CCDC7: variants seen among roughly 807,000 people sequenced by gnomAD.
CCDC7 encodes coiled-coil domain-containing protein 7.
Under a neutral mutation model 196.9 loss-of-function variants are expected in CCDC7, and 183 were observed. The ratio of observed to expected loss-of-function variants is 0.93; its 90% CI spans 0.82 to 1.05. The LOEUF is 1.05. Among genes scored for constraint, CCDC7 ranks in the 50% least tolerant of loss-of-function variants. The pLI, the probability that CCDC7 is intolerant of heterozygous loss-of-function variation, is 0.00. For missense variants in CCDC7, 1,540 were observed against 1,482.2 expected, an observed-to-expected ratio of 1.04 and a Z score of -0.64; for synonymous variants, 525 against 484.6, an observed-to-expected ratio of 1.08 and a Z score of -1.10.
At chr10:32,773,485 C>G (rs1339786251) in intron 28 of CCDC7, among the ~76,000 whole-genome samples, 2 of 151,760 alleles carry the variant, frequency 1.3e-5, no homozygotes, top group Non-Finnish European at 2.9e-5. Context: ...ATTCAATTTA[C>G]ATATTCTTTA....
intron 29 of CCDC7, among the ~76,000 whole-genome samples, chr10:32,780,212 G>A (rs2080826688): frequency 6.6e-6 from 1 of 152,140 alleles, no homozygotes; most frequent in African/African-American, 2.4e-5. Flanking sequence ...ACTCCAGCCT[G>A]GCTACAGAGC....
At chr10:32,497,877 G>A (rs919131270) in intron 9 of CCDC7, among the ~76,000 whole-genome samples, 2 of 152,176 alleles carry the variant, frequency 1.3e-5, no homozygotes, top group Non-Finnish European at 2.9e-5. Context: ...CTGTTGATTT[G>A]TTGTGGAAAG....
intron 16 of CCDC7, among the ~76,000 whole-genome samples, chr10:32,581,279 A>G (rs1008657990): frequency 6.6e-6 from 1 of 152,186 alleles, no homozygotes; most frequent in Non-Finnish European, 1.5e-5. Context: ...AAATTTAGTA[A>G]GATTTATAAA....
upstream of CCDC7, chr10:32,451,450 A>T (rs955595003): frequency 6.9e-5 from 44 of 641,512 alleles, no homozygotes; most frequent in African/African-American, 6.4e-4. Flanking sequence ...GACTCAAAAA[A>T]GCCTGAAGTG....
intron 21 of CCDC7, among the ~76,000 whole-genome samples, chr10:32,668,125 G>A (rs1299575042): frequency 6.6e-6 from 1 of 152,048 alleles, no homozygotes; most frequent in African/African-American, 2.4e-5. Flanking sequence ...TATTCTCTTT[G>A]AAGCAATTGT....
intron 11 of CCDC7, among the ~76,000 whole-genome samples, chr10:32,523,081 A>G (rs762900730): frequency 1.3e-5 from 2 of 152,228 alleles, no homozygotes; most frequent in African/African-American, 4.8e-5. Context: ...GTGACCTAAC[A>G]TATGGTATAT....
At chr10:32,689,100 T>C in exon 23 of CCDC7, 1 of 1,608,674 alleles carries the variant, frequency 6.2e-7, no homozygotes, top group Non-Finnish European at 8.5e-7. Flanking sequence ...GCATCAAGAC[T>C]CAATGTCAAA....
intron 28 of CCDC7, among the ~76,000 whole-genome samples, chr10:32,759,193 C>G (rs1372525455): frequency 6.6e-6 from 1 of 152,070 alleles, no homozygotes; most frequent in African/African-American, 2.4e-5. Context: ...GATTCAATGC[C>G]ATCCCCATCA....
intron 8 of CCDC7, among the ~76,000 whole-genome samples, chr10:32,491,382 A>G (rs1419161287): frequency 6.6e-6 from 1 of 152,118 alleles, no homozygotes; most frequent in African/African-American, 2.4e-5. Flanking sequence ...ATTGATTATT[A>G]TGGATCATTA....
At position 32,805,092 on chromosome 10, in the gene CCDC7, T is replaced by C. The variant is rs753642646; in HGVS notation, c.3091T>C (p.Phe1031Leu). 16 of 1,605,540 alleles carry C rather than the reference T, an allele frequency of 1.0e-5. No individual in the cohort carries two copies. The South Asian group carries it at 1.7e-4, about 17-fold the overall frequency. The change falls in exon 30 of 42, where the codon TTC (phenylalanine) becomes CTC (leucine). Residue 1031 changes from phenylalanine to leucine, a missense_variant. Coordinates refer to ENST00000639629, the Ensembl canonical transcript of CCDC7. ...TGAATTCAAGACACAGTCAAAGAGT[T>C]TCCCTGGTAAGAAAATATTTTTAAG...
At chr10:32,817,684 A>C (rs1239447627) in intron 31 of CCDC7, among the ~76,000 whole-genome samples, 1 of 152,240 alleles carries the variant, frequency 6.6e-6, no homozygotes, top group African/African-American at 2.4e-5. Flanking sequence ...GCCAATATTC[A>C]ACATTCTTAA....
intron 22 of CCDC7, among the ~76,000 whole-genome samples, chr10:32,688,407 A>G (rs1241608493): frequency 6.6e-6 from 1 of 152,318 alleles, no homozygotes; most frequent in East Asian, 1.9e-4. Flanking sequence ...CTTGGTAACA[A>G]ACTACTTTGT....
intron 11 of CCDC7, among the ~76,000 whole-genome samples, chr10:32,529,481 G>A (rs765470998): frequency 1.3e-5 from 2 of 152,128 alleles, no homozygotes; most frequent in Non-Finnish European, 2.9e-5. Flanking sequence ...GGAGTAAGGT[G>A]GTATTGCATT....
intron 11 of CCDC7, among the ~76,000 whole-genome samples, chr10:32,532,009 C>A (rs2049751667): frequency 6.6e-6 from 1 of 151,948 alleles, no homozygotes; most frequent in Admixed American, 6.5e-5. Flanking sequence ...TGTTGATTTT[C>A]TGCACATTTC....
intron 30 of CCDC7, among the ~76,000 whole-genome samples, chr10:32,813,342 A>G (rs1010351655): frequency 6.6e-6 from 1 of 152,204 alleles, no homozygotes; most frequent in African/African-American, 2.4e-5. Flanking sequence ...ATCAAACCAC[A>G]TAAAAACTTA....
intron 13 of CCDC7, 57 bp downstream of exon 14, chr10:32,544,358 C>T: frequency 1.3e-6 from 2 of 1,518,850 alleles, no homozygotes; most frequent in South Asian, 1.2e-5. Flanking sequence ...CTCTGATAGT[C>T]ATATATAGAG....
intron 13 of CCDC7, among the ~76,000 whole-genome samples, chr10:32,561,828 C>G (rs1256034382): frequency 6.6e-6 from 1 of 151,438 alleles, no homozygotes; most frequent in Non-Finnish European, 1.5e-5. Flanking sequence ...AATAGAGACA[C>G]AAAAAACCCT....
chr10:32,649,595 C>T (rs1175649632), intron 20 of CCDC7, among the ~76,000 whole-genome samples: 2 of 152,174 alleles, frequency 1.3e-5, no homozygotes, highest in Non-Finnish European at 2.9e-5. Flanking sequence ...TATTTGTGGA[C>T]TATATCCTCA....
intron 8 of CCDC7, among the ~76,000 whole-genome samples, chr10:32,483,626 C>T (rs978078279): frequency 1.3e-5 from 2 of 151,972 alleles, no homozygotes; most frequent in African/African-American, 2.4e-5. Context: ...TTTATGGTTT[C>T]AGGTCTAACA....
Sources: gnomAD v4.1 joint callset for allele counts (sites outside exome capture counted in the v4.1 genomes callset) on GRCh38, gnomAD v4.1.1 for gene constraint, MANE v1.5 for transcripts, NCBI Gene and HGNC (gene_info 2026-07-23, HGNC 2026-07-21) for gene names.